CDH11: variants seen among roughly 807,000 people sequenced by gnomAD.
The protein encoded by CDH11 is cadherin-11.
A neutral mutation model predicts 67.8 loss-of-function variants in CDH11; 11 were observed. The ratio of observed to expected loss-of-function variants is 0.16; its 90% CI spans 0.10 to 0.27. The LOEUF (loss-of-function observed/expected upper bound fraction) is 0.27. Among genes scored for constraint, CDH11 ranks in the 10% least tolerant of loss-of-function variants. The pLI is 1.00. For synonymous variants in CDH11, 419 were observed against 400.0 expected, an observed-to-expected ratio of 1.05 and a Z score of -0.57; for missense variants, 847 against 1,031.2, an observed-to-expected ratio of 0.82 and a Z score of 2.45.
At chr16:65,087,637 C>T (rs1339190911) in intron 1 of CDH11, among the ~76,000 whole-genome samples, 1 of 152,138 alleles carries the variant, frequency 6.6e-6, no homozygotes, top group Non-Finnish European at 1.5e-5. Context: ...ACAAGCTGCT[C>T]AGAATGATAT....
At chr16:65,036,504 G>T (rs1022732355) in intron 2 of CDH11, among the ~76,000 whole-genome samples, 1 of 152,122 alleles carries the variant, frequency 6.6e-6, no homozygotes, top group East Asian at 1.9e-4. Context: ...GCATTAAAAT[G>T]TCCTGATGGA....
At chr16:64,995,495 G>C (rs1204714924) in intron 4 of CDH11, among the ~76,000 whole-genome samples, 1 of 152,166 alleles carries the variant, frequency 6.6e-6, no homozygotes, top group South Asian at 2.1e-4. Flanking sequence ...AATGAGGAAA[G>C]TACTCCTTAA....
intron 12 of CDH11, 146 bp downstream of exon 12, chr16:64,950,621 G>T: frequency 1.1e-5 from 1 of 90,946 alleles, no homozygotes. Flanking sequence ...CGCCCACCCC[G>T]CCCCCGTACC....
intron 3 of CDH11, among the ~76,000 whole-genome samples, chr16:65,003,414 G>C (rs1273504635): frequency 6.6e-6 from 1 of 151,792 alleles, no homozygotes. Flanking sequence ...TCACCACCAC[G>C]CCTGGCTAAT....
At chr16:65,024,504 A>G (rs1267948337) in intron 2 of CDH11, among the ~76,000 whole-genome samples, 4 of 152,202 alleles carry the variant, frequency 2.6e-5, no homozygotes, top group Admixed American at 2.6e-4. Context: ...ACTATCCAAT[A>G]GGGTAGCAAC....
At chr16:65,075,856 T>C (rs2074500216) in intron 1 of CDH11, among the ~76,000 whole-genome samples, 1 of 152,216 alleles carries the variant, frequency 6.6e-6, no homozygotes, top group Non-Finnish European at 1.5e-5. Flanking sequence ...AACATATAAA[T>C]GATTGTGTTT....
intron 11 of CDH11, among the ~76,000 whole-genome samples, chr16:64,955,861 A>C (rs1003418668): frequency 6.6e-6 from 1 of 152,156 alleles, no homozygotes; most frequent in African/African-American, 2.4e-5. Flanking sequence ...TTTACTAGAC[A>C]CCAATTTTTC....
chr16:65,106,040 A>T (rs1317434440), intron 1 of CDH11, among the ~76,000 whole-genome samples: 1 of 152,196 alleles, frequency 6.6e-6, no homozygotes, highest in Non-Finnish European at 1.5e-5. Flanking sequence ...TGAGCCTACT[A>T]TCAACTTGAT....
intron 1 of CDH11, among the ~76,000 whole-genome samples, chr16:65,078,473 G>A (rs1225179634): frequency 6.6e-6 from 1 of 152,102 alleles, no homozygotes; most frequent in Admixed American, 6.6e-5. Flanking sequence ...TCCCCCAATA[G>A]CAGTATAGAG....
upstream of CDH11, chr16:65,122,297 T>G: frequency 3.0e-6 from 1 of 329,510 alleles, no homozygotes. Flanking sequence ...TGCTAACCCC[T>G]GGATTCGTGG....
chr16:65,118,674 C>T (rs2075281280), intron 1 of CDH11: 1 of 151,994 alleles, frequency 6.6e-6, no homozygotes, highest in South Asian at 2.1e-4. Flanking sequence ...TTATACAGTG[C>T]TCAAATTTTC....
intron 1 of CDH11, among the ~76,000 whole-genome samples, chr16:65,074,166 C>T (rs747414146): frequency 4.1e-4 from 63 of 152,098 alleles, no homozygotes; most frequent in Non-Finnish European, 7.4e-4. Flanking sequence ...TTCCCTTATT[C>T]TTTTGAATGG....
intron 8 of CDH11, among the ~76,000 whole-genome samples, chr16:64,974,693 C>T (rs1015210209): frequency 6.6e-6 from 1 of 152,162 alleles, no homozygotes; most frequent in East Asian, 1.9e-4. Flanking sequence ...AGGAGAGGCT[C>T]AGCAACTGAG....
intron 11 of CDH11, among the ~76,000 whole-genome samples, chr16:64,952,893 T>C (rs1445132532): frequency 6.6e-6 from 1 of 152,162 alleles, no homozygotes; most frequent in Non-Finnish European, 1.5e-5. Context: ...AGAAAATGTA[T>C]AATCTTCCCT....
chr16:64,980,505 T>C lies in CDH11; in HGVS notation c.1253+1543A>G, dbSNP rs150951071. ...ATAGGAGATAACACCTAAGTGGAGA[T>C]GGAGAAAATGAGTCCAATGTGGTAA... On this transcript the variant is annotated intron_variant, in intron 8 of 12. Transcript: ENST00000268603. Among the ~76,000 whole-genome samples the C allele has an allele frequency of 2.2e-3, 342 of 152,118 alleles. 3 individuals are homozygous for C. The highest frequency in any genetic ancestry group is 7.6e-3 in the African/African-American group (314 of 41,502).
intron 2 of CDH11, 108 bp from the exon 3 acceptor site, chr16:65,005,149 C>T (rs1298046001): frequency 9.5e-6 from 10 of 1,049,702 alleles, no homozygotes; most frequent in Admixed American, 7.8e-5. Flanking sequence ...GTGGGAGCTA[C>T]GGGCTTTGGG....
chr16:64,949,066 T>G (rs1488547274), intron 12 of CDH11, among the ~76,000 whole-genome samples: 1 of 152,190 alleles, frequency 6.6e-6, no homozygotes, highest in Non-Finnish European at 1.5e-5. Context: ...GTGGGCACTT[T>G]CACTCACACA....
At chr16:65,087,751 C>G (rs149030266) in intron 1 of CDH11, among the ~76,000 whole-genome samples, 2 of 152,110 alleles carry the variant, frequency 1.3e-5, no homozygotes, top group African/African-American at 4.8e-5. Flanking sequence ...GGGCTATTAT[C>G]AAACTGTAGT....
intron 4 of CDH11, among the ~76,000 whole-genome samples, chr16:64,997,498 A>AT: frequency 6.6e-6 from 1 of 151,810 alleles, no homozygotes; most frequent in East Asian, 1.9e-4. Context: ...TTTCCACCCC[A>AT]TCCCCACCCT....
Sources: allele counts gnomAD v4.1 joint callset (sites outside exome capture counted in the v4.1 genomes callset), GRCh38; gene constraint gnomAD v4.1.1; transcripts MANE v1.5; gene names NCBI Gene and HGNC (gene_info 2026-07-23, HGNC 2026-07-21).